The following TBC1D19 variants were observed in gnomAD, a reference collection of about 807,000 sequenced individuals.
TBC1D19 encodes TBC1 domain family member 19.
TBC1D19 carries 60 observed loss-of-function variants against 89.0 expected under a neutral mutation model. The observed-to-expected ratio is 0.67, with a 90% CI of 0.55 to 0.84. The LOEUF is 0.84. Ranked by LOEUF, TBC1D19 falls within the 40% of genes least tolerant of loss-of-function variation. TBC1D19 has a pLI of 0.00. For synonymous variants in TBC1D19, 189 were observed against 199.7 expected (o/e 0.95, Z 0.45); for missense variants, 500 against 610.8 (o/e 0.82, Z 1.91).
chr4:26,806,437 A>G, the TBC1D19 span, among the ~76,000 whole-genome samples: 1 of 152,214 alleles, frequency 6.6e-6, no homozygotes, highest in Admixed American at 6.5e-5. Context: ...GCACTTAGTA[A>G]AAGTTCAATC....
intron 7 of TBC1D19, among the ~76,000 whole-genome samples, chr4:26,649,731 CT>C (rs1157744423): frequency 6.7e-6 from 1 of 149,820 alleles, no homozygotes; most frequent in Non-Finnish European, 1.5e-5. Flanking sequence ...TTTTATTATA[CT>C]TTAAGTTTTA....
chr4:26,647,417 C>A (rs758545060), intron 7 of TBC1D19, among the ~76,000 whole-genome samples: 23 of 152,158 alleles, frequency 1.5e-4, no homozygotes, highest in Non-Finnish European at 2.6e-4. Flanking sequence ...TTATATTTAT[C>A]TTTGAAATAT....
At chr4:26,837,577 T>C in the TBC1D19 span, among the ~76,000 whole-genome samples, 1 of 152,244 alleles carries the variant, frequency 6.6e-6, no homozygotes. Context: ...ACATATGTGA[T>C]ATCATTTGAT....
At chr4:26,736,816 G>A (rs531944186) in intron 16 of TBC1D19, among the ~76,000 whole-genome samples, 2 of 152,320 alleles carry the variant, frequency 1.3e-5, no homozygotes, top group African/African-American at 4.8e-5. Flanking sequence ...TGAGATACAC[G>A]TGGGTGATGC....
chr4:26,854,896 G>C, the TBC1D19 span, among the ~76,000 whole-genome samples: 1 of 152,204 alleles, frequency 6.6e-6, no homozygotes, highest in Non-Finnish European at 1.5e-5. Flanking sequence ...TCTGGCAGCT[G>C]CCTGGAGCGG....
chr4:26,637,618 C>T (rs534567088), intron 5 of TBC1D19, among the ~76,000 whole-genome samples: 5 of 152,226 alleles, frequency 3.3e-5, no homozygotes, highest in Admixed American at 1.3e-4. Context: ...ATGATCCGCC[C>T]ACCTTGGCCT....
chr4:26,788,242 G>C, the TBC1D19 span, among the ~76,000 whole-genome samples: 1,643 of 152,258 alleles, frequency 0.011, 15 homozygotes, highest in Non-Finnish European at 0.016. Context: ...CAGGAACCAA[G>C]AGGGTGCCTG....
chr4:26,772,064 G>A, the TBC1D19 span, among the ~76,000 whole-genome samples: 2 of 150,836 alleles, frequency 1.3e-5, no homozygotes, highest in East Asian at 1.9e-4. Flanking sequence ...TATAACTGCA[G>A]GAAATACTAT....
At chr4:26,667,765 C>T (rs1711942523) in intron 9 of TBC1D19, among the ~76,000 whole-genome samples, 1 of 151,834 alleles carries the variant, frequency 6.6e-6, no homozygotes. Flanking sequence ...CACTCATATT[C>T]ATATTTGTAT....
intron 13 of TBC1D19, among the ~76,000 whole-genome samples, chr4:26,700,547 A>C (rs1191541276): frequency 6.6e-6 from 1 of 152,192 alleles, no homozygotes; most frequent in African/African-American, 2.4e-5. Context: ...AGGTACAAAA[A>C]AAAAGTTTGT....
In TBC1D19 at chr4:26,604,042, A is replaced by G. The variant is rs906852132; in HGVS notation, c.100-9127A>G. ...AATTTAACCACTTTAGGCACCTCACATAAGTGGAATCATATGGTATCTGTT... is the reference window on the plus strand; with the variant it reads ...AATTTAACCACTTTAGGCACCTCACGTAAGTGGAATCATATGGTATCTGTT... On this transcript the variant is annotated intron_variant, in intron 1 of 20. Coordinates refer to ENST00000264866, the MANE Select transcript of TBC1D19 (RefSeq NM_018317.4). 8.6e-5 allele frequency among the ~76,000 whole-genome samples: 13 copies of G among 151,980 alleles called. No homozygotes were observed. The East Asian group carries it at 1.5e-3, about 18-fold the overall frequency.
rs541257608 is a variant in TBC1D19, at chr4:26,622,890, A to G, written c.294+2202A>G. On this transcript the variant is annotated intron_variant, in intron 4 of 20. Coordinates refer to ENST00000264866, the MANE Select transcript of TBC1D19 (RefSeq NM_018317.4). ...CCCGCACTAAATTATTCATTCTTCA[A>G]TAGCAGGGATTGTGCTTTTTATCGT... 2.1e-3 allele frequency among the ~76,000 whole-genome samples: 320 copies of G among 152,248 alleles called. 3 individuals are homozygous for G. The highest frequency in any genetic ancestry group is 7.4e-3 in the African/African-American group (309 of 41,546).
In TBC1D19 at chr4:26,613,250, GT is replaced by G. The variant is rs1438845033; in HGVS notation, c.172+14del. On this transcript the variant is annotated intron_variant, in intron 2 of 20. Transcript: ENST00000264866. ...ATTCTTTAAAATATCAGGTTTGTAA[GT>G]TTTTCCTAATAACTTAAGGCAAAAT... 18 of 1,510,686 alleles carry G rather than the reference GT, an allele frequency of 1.2e-5. No individual in the cohort carries two copies. The highest frequency in any genetic ancestry group is 1.6e-5 in the Non-Finnish European group (18 of 1,111,682). The allele number at this position is 1,510,686 out of a possible 1,614,324, so 93.6% of individuals were successfully genotyped here.
intron 7 of TBC1D19, among the ~76,000 whole-genome samples, chr4:26,652,566 G>T (rs962420580): frequency 1.3e-5 from 2 of 152,176 alleles, no homozygotes; most frequent in Admixed American, 6.5e-5. Context: ...TCTATTCAGA[G>T]ATTCAACTTC....
chr4:26,599,534 A>G (rs1275405852), intron 1 of TBC1D19, among the ~76,000 whole-genome samples: 3 of 152,130 alleles, frequency 2.0e-5, no homozygotes, highest in Non-Finnish European at 4.4e-5. Flanking sequence ...ACTGTATTTT[A>G]ATATATCCCT....
chr4:26,807,538 AC>A, the TBC1D19 span, among the ~76,000 whole-genome samples: 535 of 152,294 alleles, frequency 3.5e-3, 6 homozygotes, highest in East Asian at 0.012. Flanking sequence ...TTTGGCAAAG[AC>A]AAAAATGGCT....
At chr4:26,608,719 A>G (rs1741160400) in intron 1 of TBC1D19, among the ~76,000 whole-genome samples, 1 of 152,106 alleles carries the variant, frequency 6.6e-6, no homozygotes, top group Admixed American at 6.6e-5. Context: ...GTACATTTGA[A>G]TAATTAGCAG....
At chr4:26,739,406 A>T (rs1718222212) in intron 16 of TBC1D19, among the ~76,000 whole-genome samples, 2 of 152,218 alleles carry the variant, frequency 1.3e-5, no homozygotes, top group African/African-American at 2.4e-5. Context: ...TGATTCTAAA[A>T]GTCATAAATC....
At chr4:26,816,696 T>C in the TBC1D19 span, among the ~76,000 whole-genome samples, 4 of 152,190 alleles carry the variant, frequency 2.6e-5, no homozygotes, top group East Asian at 3.8e-4. Flanking sequence ...ATTCTACATA[T>C]TAAGTTGGTG....
Sources: gnomAD v4.1 joint callset for allele counts (sites outside exome capture counted in the v4.1 genomes callset) on GRCh38, gnomAD v4.1.1 for gene constraint, MANE v1.5 for transcripts, NCBI Gene and HGNC (gene_info 2026-07-23, HGNC 2026-07-21) for gene names.